Variants in GALNT9 observed in about 807,000 individuals in gnomAD.
The protein encoded by GALNT9 is polypeptide N-acetylgalactosaminyltransferase 9, also known as GalNAc transferase 9.
Under a neutral mutation model 63.1 loss-of-function variants are expected in GALNT9, and 47 were observed. That is an observed-to-expected ratio of 0.75 (90% CI 0.59 to 0.95). The LOEUF (loss-of-function observed/expected upper bound fraction) is 0.95. Ranked by LOEUF, GALNT9 falls within the 40% of genes least tolerant of loss-of-function variation. The pLI, the probability that GALNT9 is intolerant of heterozygous loss-of-function variation, is 0.00. For synonymous variants in GALNT9, 396 were observed against 365.7 expected (o/e 1.08, Z -0.94); for missense variants, 829 against 874.8 (o/e 0.95, Z 0.66).
intron 1 of GALNT9, among the ~76,000 whole-genome samples, chr12:132,294,209 G>C (rs1880966012): frequency 6.6e-6 from 1 of 152,182 alleles, no homozygotes; most frequent in Non-Finnish European, 1.5e-5. Flanking sequence ...CCCCAGAGCT[G>C]TCCCTGGAGC....
At chr12:132,250,638 A>G (rs1016505932) in intron 5 of GALNT9, among the ~76,000 whole-genome samples, 1 of 152,206 alleles carries the variant, frequency 6.6e-6, no homozygotes, top group Non-Finnish European at 1.5e-5. Flanking sequence ...AAAAATACAA[A>G]AAATTAGCCG....
chr12:132,226,151 ACATACACCC>A (rs1451550439), intron 6 of GALNT9, among the ~76,000 whole-genome samples: 2 of 138,620 alleles, frequency 1.4e-5, no homozygotes, highest in Non-Finnish European at 3.1e-5. Context: ...CACACCCCAC[ACATACACCC>A]CATACACACC....
chr12:132,235,289 C>T (rs1243386548), intron 6 of GALNT9, among the ~76,000 whole-genome samples: 2 of 151,982 alleles, frequency 1.3e-5, no homozygotes, highest in African/African-American at 2.4e-5. Flanking sequence ...GAGCCGGGTG[C>T]GGTGGGCGCT....
At chr12:132,309,282 C>A (rs1425755521) in intron 1 of GALNT9, among the ~76,000 whole-genome samples, 1 of 152,148 alleles carries the variant, frequency 6.6e-6, no homozygotes, top group African/African-American at 2.4e-5. Context: ...TGGATGATGG[C>A]CCCGGGACAC....
rs1593129589 is a variant in GALNT9, at chr12:132,329,232, G to C, written c.-29C>G. Reference sequence around the variant, plus strand: ...CACGGCTGCAGCGGGGGCCTCACCCGCGGGGCATCCCCAGCATCCCCGCCC... The same window carrying C: ...CACGGCTGCAGCGGGGGCCTCACCCCCGGGGCATCCCCAGCATCCCCGCCC... On this transcript the variant is annotated 5_prime_UTR_variant, in exon 1 of 11. Coordinates refer to ENST00000328957, the MANE Select transcript of GALNT9 (RefSeq NM_001122636.2). The C allele has an allele frequency of 6.5e-7, 1 of 1,529,512 alleles. No homozygotes were observed. The highest frequency in any genetic ancestry group is 2.0e-5 in the Admixed American group (1 of 50,448). The allele number at this position is 1,529,512 out of a possible 1,614,324, so 94.7% of individuals were successfully genotyped here. A position where few individuals can be genotyped will look rare whatever the true frequency, so the allele number is the denominator to read the frequency against.
At chr12:132,235,689 G>A (rs1433892199) in intron 6 of GALNT9, among the ~76,000 whole-genome samples, 2 of 150,908 alleles carry the variant, frequency 1.3e-5, no homozygotes, top group South Asian at 2.1e-4. Context: ...AGGGTCCCCC[G>A]GGCTGGAGTT....
intron 6 of GALNT9, among the ~76,000 whole-genome samples, chr12:132,214,266 G>A (rs767152773): frequency 2.6e-5 from 4 of 152,302 alleles, no homozygotes; most frequent in East Asian, 3.9e-4. Context: ...TCACCACACC[G>A]GCGACTCCAC....
chr12:132,309,887 G>A (rs1555245026), intron 1 of GALNT9, among the ~76,000 whole-genome samples: 2 of 152,260 alleles, frequency 1.3e-5, no homozygotes, highest in South Asian at 4.1e-4. Context: ...CCCGTCCCCT[G>A]TTCTTCAGCA....
At position 132,327,606 on chromosome 12, in the gene GALNT9, C is replaced by T. The variant is rs562829977; in HGVS notation, c.238+1360G>A. ...CCTTCCGGGAGATGAATTGCTCTGC[C>T]GGGCGGCTGGGCGGCTGCTTGAACT... On this transcript the variant is annotated intron_variant, in intron 1 of 10. Transcript: ENST00000328957. This position sits in a 1 kb window ranked among gnomAD's most constrained non-coding sequence, Gnocchi z 4.3. Among the ~76,000 whole-genome samples the T allele has an allele frequency of 6.6e-6, 1 of 152,164 alleles. No homozygotes were observed. The highest frequency in any genetic ancestry group is 2.1e-4 in the South Asian group (1 of 4,820).
chr12:132,213,458 C>CCA (rs1239150520), intron 6 of GALNT9, among the ~76,000 whole-genome samples: 2 of 118,746 alleles, frequency 1.7e-5, no homozygotes, highest in Admixed American at 1.8e-4. Context: ...ACTGTTACCC[C>CCA]CACACACAGG....
chr12:132,254,357 G>A (rs1879036766), intron 5 of GALNT9, among the ~76,000 whole-genome samples: 1 of 152,336 alleles, frequency 6.6e-6, no homozygotes, highest in South Asian at 2.1e-4. Context: ...AAATTTTCAA[G>A]TGTATGCAAA....
intron 6 of GALNT9, among the ~76,000 whole-genome samples, chr12:132,239,479 GACAGAGAT>G (rs1291479927): frequency 2.0e-5 from 3 of 151,600 alleles, no homozygotes; most frequent in Non-Finnish European, 2.9e-5. Flanking sequence ...GAGACAAAGA[GACAGAGAT>G]ACAGAGAGAC....
At chr12:132,259,384 TG>T (rs782542386) in intron 4 of GALNT9, among the ~76,000 whole-genome samples, 1 of 152,150 alleles carries the variant, frequency 6.6e-6, no homozygotes. Context: ...TGCGACTGCA[TG>T]GGGTGACATT....
intron 6 of GALNT9, among the ~76,000 whole-genome samples, chr12:132,218,529 T>G (rs1877310350): frequency 6.6e-6 from 1 of 152,246 alleles, no homozygotes; most frequent in African/African-American, 2.4e-5. Flanking sequence ...CTGCTTAGCG[T>G]GTCCCTGCCC....
intron 6 of GALNT9, among the ~76,000 whole-genome samples, chr12:132,229,485 G>A (rs1407921117): frequency 6.6e-6 from 1 of 152,254 alleles, no homozygotes; most frequent in Non-Finnish European, 1.5e-5. Flanking sequence ...TGACTTATCT[G>A]TTCATTCACT....
rs553389396 is a variant in GALNT9 at position 132,249,431 on chromosome 12, G to C, written c.960-1404C>G. ...AAATAAATGCCCATCGATTGTCCAA[G>C]AATAGCAGGAGCATTAAAAAGCAAT... is the stretch of plus-strand genomic sequence containing the variant. On this transcript the variant is annotated intron_variant, in intron 5 of 10. Transcript: ENST00000328957. Among the ~76,000 whole-genome samples, 10 of 152,354 alleles carry C rather than the reference G, an allele frequency of 6.6e-5. No individual in the cohort carries two copies. In the South Asian group the frequency reaches 1.4e-3, roughly 22 times the overall value.
At chr12:132,288,082 C>T (rs539623318) in intron 1 of GALNT9, among the ~76,000 whole-genome samples, 3 of 152,322 alleles carry the variant, frequency 2.0e-5, no homozygotes, top group Admixed American at 6.5e-5. Context: ...CACAACTGCC[C>T]GCCTGGGAGG....
chr12:132,197,325 CTGCTTCG>C, intron 10 of GALNT9, 72 bp from the exon 11 acceptor site: 2 of 1,570,818 alleles, frequency 1.3e-6, no homozygotes, highest in Non-Finnish European at 1.7e-6. Flanking sequence ...CTCAGGGAGG[CTGCTTCG>C]TGCTCTCAGC....
At position 132,324,475 on chromosome 12, in the gene GALNT9, G is replaced by A. The variant is rs540146885; in HGVS notation, c.238+4491C>T. 2.0e-3 allele frequency among the ~76,000 whole-genome samples: 308 copies of A among 152,324 alleles called. 3 individuals are homozygous for A. Among genetic ancestry groups the A allele is most frequent in the Non-Finnish European group, 3.8e-3 (258 of 68,022 alleles). The stretch of plus-strand genomic sequence containing the variant: ...GCTGTCCTCGTACGGCTGACCTGCC[G>A]GGGCCGCGTCCGAGACCCCGGACCA... On this transcript the variant is annotated intron_variant, in intron 1 of 10. Transcript: ENST00000328957.
Sources: gnomAD v4.1 joint callset for allele counts (sites outside exome capture counted in the v4.1 genomes callset) on GRCh38, gnomAD v4.1.1 for gene constraint, Gnocchi (gnomAD v3.1) non-coding constraint, MANE v1.5 for transcripts, NCBI Gene and HGNC (gene_info 2026-07-23, HGNC 2026-07-21) for gene names.